The following UNC5D variants were observed in gnomAD, a reference collection of about 807,000 sequenced individuals.
The protein encoded by UNC5D is unc-5 netrin receptor D.
In UNC5D, 39 loss-of-function variants were observed where a neutral mutation model predicts 105.4. The ratio of observed to expected loss-of-function variants is 0.37; its 90% CI spans 0.29 to 0.48. UNC5D has a LOEUF of 0.48. UNC5D is among the 20% of genes least tolerant of loss of function. The probability of loss-of-function intolerance (pLI) is 0.98; values close to 1 mark genes in which losing one functional copy is unlikely to be tolerated. For missense variants in UNC5D, 991 were observed against 1,202.4 expected, an observed-to-expected ratio of 0.82 and a Z score of 2.60; for synonymous variants, 452 against 450.4, an observed-to-expected ratio of 1.00 and a Z score of -0.04.
intron 3 of UNC5D, among the ~76,000 whole-genome samples, chr8:35,587,283 A>AAC (rs35992580): frequency 0.043 from 6,406 of 150,174 alleles, 162 homozygotes; most frequent in Middle Eastern, 0.066. Context: ...GTACCATTCA[A>AAC]ACACACACAC....
At chr8:35,724,410 C>A in intron 9 of UNC5D, 2 of 1,112,588 alleles carry the variant, frequency 1.8e-6, no homozygotes, top group African/African-American at 1.6e-5. Flanking sequence ...AGTGCCCCGG[C>A]AAGGTGAACA....
chr8:35,399,191 C>T (rs2128948373), intron 1 of UNC5D, among the ~76,000 whole-genome samples: 1 of 149,626 alleles, frequency 6.7e-6, no homozygotes, highest in East Asian at 2.0e-4. Flanking sequence ...ACCATTAATT[C>T]CTCTCACCAT....
At chr8:35,688,052 A>G (rs1277967445) in intron 7 of UNC5D, among the ~76,000 whole-genome samples, 1 of 152,042 alleles carries the variant, frequency 6.6e-6, no homozygotes, top group African/African-American at 2.4e-5. Context: ...GAATGGCGTG[A>G]ACCCGGGAGG....
At chr8:35,484,482 A>G (rs1810703515) in intron 1 of UNC5D, among the ~76,000 whole-genome samples, 1 of 152,100 alleles carries the variant, frequency 6.6e-6, no homozygotes, top group Non-Finnish European at 1.5e-5. Flanking sequence ...CCCACATGGC[A>G]CCACTGAAGG....
At chr8:35,368,291 G>A (rs1420537515) in intron 1 of UNC5D, among the ~76,000 whole-genome samples, 2 of 152,170 alleles carry the variant, frequency 1.3e-5, no homozygotes, top group East Asian at 3.9e-4. Flanking sequence ...ACCAATTACT[G>A]GCATTTTGCA....
At chr8:35,553,863 A>G (rs1002912509) in intron 2 of UNC5D, among the ~76,000 whole-genome samples, 2 of 152,210 alleles carry the variant, frequency 1.3e-5, no homozygotes, top group African/African-American at 4.8e-5. Context: ...GATTCGTAAA[A>G]TAATTCCTGC....
chr8:35,715,012 G>A (rs1828175623), intron 8 of UNC5D, among the ~76,000 whole-genome samples: 1 of 152,196 alleles, frequency 6.6e-6, no homozygotes, highest in African/African-American at 2.4e-5. Flanking sequence ...TTAGCCGAGT[G>A]TGGTGGCGCA....
rs188382598 is a variant in UNC5D at position 35,687,225 on chromosome 8, C to T, written c.1084+516C>T. ...TTGGGAGGCCAAGGCAGGCGGATCG[C>T]GAGGTCAGGAGATCGAGACCATCCT... On this transcript the variant is annotated intron_variant, in intron 7 of 16. Transcript: ENST00000404895. Among the ~76,000 whole-genome samples, 1,354 of 152,190 alleles carry T rather than the reference C, an allele frequency of 8.9e-3. 13 individuals are homozygous for T. The highest frequency in any genetic ancestry group is 0.014 in the Non-Finnish European group (984 of 68,018).
chr8:35,543,162 A>G (rs1286168323), intron 1 of UNC5D, among the ~76,000 whole-genome samples: 1 of 152,114 alleles, frequency 6.6e-6, no homozygotes, highest in Non-Finnish European at 1.5e-5. Flanking sequence ...GCTTTTTGGT[A>G]TGGTCCCTGT....
intron 1 of UNC5D, among the ~76,000 whole-genome samples, chr8:35,374,268 A>G (rs1195148842): frequency 6.6e-6 from 1 of 152,216 alleles, no homozygotes; most frequent in Non-Finnish European, 1.5e-5. Context: ...TGGTGTTCCT[A>G]GCCAGGTGTC....
intron 4 of UNC5D, among the ~76,000 whole-genome samples, chr8:35,679,047 G>A (rs539557407): frequency 2.0e-5 from 3 of 151,994 alleles, no homozygotes; most frequent in African/African-American, 4.8e-5. Flanking sequence ...CCAGGAGTTC[G>A]AGACCAGCCT....
chr8:35,308,631 A>G (rs568835370), intron 1 of UNC5D, among the ~76,000 whole-genome samples: 2 of 152,288 alleles, frequency 1.3e-5, no homozygotes, highest in South Asian at 4.1e-4. Flanking sequence ...CAATATTTAT[A>G]CATACAAAAT....
chr8:35,268,099 A>T lies in UNC5D; in HGVS notation c.103+32212A>T, dbSNP rs531956609. Among the ~76,000 whole-genome samples, 24 of 152,288 alleles carry T rather than the reference A, an allele frequency of 1.6e-4. No individual in the cohort carries two copies. The East Asian group carries it at 4.6e-3, about 29-fold the overall frequency. On this transcript the variant is annotated intron_variant, in intron 1 of 16. Transcript: ENST00000404895. ...TTCCAAATACTCTTTGTTTCCTATA[A>T]ATTCCCATATTCCCTTAGAAAACTT...
intron 4 of UNC5D, among the ~76,000 whole-genome samples, chr8:35,622,573 T>C (rs2131035001): frequency 6.6e-6 from 1 of 152,264 alleles, no homozygotes; most frequent in South Asian, 2.1e-4. Context: ...TAAGGATGCT[T>C]TGGAGATTAA....
chr8:35,402,345 G>C (rs1026342000), intron 1 of UNC5D, among the ~76,000 whole-genome samples: 2 of 152,038 alleles, frequency 1.3e-5, no homozygotes, highest in African/African-American at 4.8e-5. Context: ...ATTGGCAGCA[G>C]GCAAGAGAGA....
At chr8:35,599,012 G>A (rs188834224) in intron 4 of UNC5D, among the ~76,000 whole-genome samples, 16 of 151,868 alleles carry the variant, frequency 1.1e-4, no homozygotes, top group Admixed American at 2.6e-4. Flanking sequence ...GTGTGGTGGC[G>A]CACATCTGTA....
rs144648627 is a variant in UNC5D at position 35,354,340 on chromosome 8, A to G, written c.103+118453A>G. Among the ~76,000 whole-genome samples, 59 of 152,280 alleles carry G rather than the reference A, an allele frequency of 3.9e-4. No individual in the cohort carries two copies. The South Asian group carries it at 9.1e-3, about 24-fold the overall frequency. Reference sequence around the variant, plus strand: ...AAATATGAGTGACAGACTGTCATTGAGAAACCTCAGGGGAGAATTTTTATG... The same window carrying G: ...AAATATGAGTGACAGACTGTCATTGGGAAACCTCAGGGGAGAATTTTTATG... On this transcript the variant is annotated intron_variant, in intron 1 of 16. Coordinates refer to ENST00000404895, the MANE Select transcript of UNC5D (RefSeq NM_080872.4).
intron 1 of UNC5D, among the ~76,000 whole-genome samples, chr8:35,333,101 C>A (rs871994): frequency 0.48 from 72,686 of 151,848 alleles, 17,989 homozygotes; most frequent in East Asian, 0.7. Flanking sequence ...CAGTCCCAGC[C>A]CTTTGGAAGT....
intron 8 of UNC5D, among the ~76,000 whole-genome samples, chr8:35,707,202 CA>C (rs1827639161): frequency 6.6e-6 from 1 of 152,104 alleles, no homozygotes; most frequent in Admixed American, 6.5e-5. Context: ...ACAGGGGTCA[CA>C]AGACATGAGG....
Sources: gnomAD v4.1 joint callset for allele counts (sites outside exome capture counted in the v4.1 genomes callset) on GRCh38, gnomAD v4.1.1 for gene constraint, MANE v1.5 for transcripts, NCBI Gene and HGNC (gene_info 2026-07-23, HGNC 2026-07-21) for gene names.